RYK: variants seen among roughly 807,000 people sequenced by gnomAD.
RYK encodes receptor like tyrosine kinase, also known as inactive tyrosine-protein kinase RYK.
Under a neutral mutation model 70.2 loss-of-function variants are expected in RYK, and 21 were observed. That is an observed-to-expected ratio of 0.30 (90% CI 0.21 to 0.43). The LOEUF is 0.43. Ranked by LOEUF, RYK falls within the 20% of genes least tolerant of loss-of-function variation. The pLI, the probability that RYK is intolerant of heterozygous loss-of-function variation, is 1.00. For missense variants in RYK, 604 were observed against 753.3 expected, an observed-to-expected ratio of 0.80 and a Z score of 2.32; for synonymous variants, 267 against 278.0, an observed-to-expected ratio of 0.96 and a Z score of 0.39.
intron 7 of RYK, among the ~76,000 whole-genome samples, chr3:134,193,117 G>A (rs928691788): frequency 6.6e-6 from 1 of 151,846 alleles, no homozygotes; most frequent in African/African-American, 2.4e-5. Flanking sequence ...TAATGGCCAT[G>A]ATTACAAACA....
At chr3:134,194,410 C>A (rs1336408238) in intron 7 of RYK, among the ~76,000 whole-genome samples, 1 of 152,166 alleles carries the variant, frequency 6.6e-6, no homozygotes, top group East Asian at 1.9e-4. Flanking sequence ...CAAGTCTTAG[C>A]TATTTCCTTG....
intron 10 of RYK, chr3:134,179,707 CT>C (rs1426572895): frequency 6.6e-6 from 1 of 152,206 alleles, no homozygotes; most frequent in Non-Finnish European, 1.5e-5. Context: ...CCCATGAATA[CT>C]AAAATGACTA....
At chr3:134,175,304 T>C (rs1157074408) in intron 13 of RYK, among the ~76,000 whole-genome samples, 1 of 150,568 alleles carries the variant, frequency 6.6e-6, no homozygotes, top group Non-Finnish European at 1.5e-5. Context: ...GATTGCGCCA[T>C]TGCACTCCAG....
chr3:134,217,805 T>G (rs975634185), intron 2 of RYK, among the ~76,000 whole-genome samples: 1 of 152,186 alleles, frequency 6.6e-6, no homozygotes, highest in Admixed American at 6.6e-5. Context: ...TATTTTTCAC[T>G]GTATACCCTT....
chr3:134,183,144 TA>T (rs962782487), intron 9 of RYK, 73 bp from the exon 10 acceptor site: 2 of 819,674 alleles, frequency 2.4e-6, no homozygotes, highest in African/African-American at 3.5e-5. Context: ...CTGCTATTAG[TA>T]AATAATTATC....
chr3:134,236,041 C>T (rs765442447), intron 1 of RYK, among the ~76,000 whole-genome samples: 13 of 151,614 alleles, frequency 8.6e-5, no homozygotes, highest in Non-Finnish European at 1.5e-4. Context: ...CTGGGACACC[C>T]GCATGGTCAA....
intron 13 of RYK, among the ~76,000 whole-genome samples, chr3:134,161,981 G>GA (rs2012488324): frequency 6.6e-6 from 1 of 152,166 alleles, no homozygotes; most frequent in African/African-American, 2.4e-5. Context: ...CCTGTAGGGG[G>GA]AATCTTTCCT....
chr3:134,243,339 G>C (rs758092580), intron 1 of RYK, among the ~76,000 whole-genome samples: 1 of 152,050 alleles, frequency 6.6e-6, no homozygotes, highest in Non-Finnish European at 1.5e-5. Context: ...TGCCTTAGTT[G>C]ATCCCTCTTA....
At chr3:134,207,387 C>A in intron 5 of RYK, 85 bp downstream of exon 5, 1 of 811,676 alleles carries the variant, frequency 1.2e-6, no homozygotes. Flanking sequence ...ACCATGAGGC[C>A]TCCAAGCTTC....
At chr3:134,228,405 A>G (rs1576532047) in intron 1 of RYK, among the ~76,000 whole-genome samples, 3 of 152,384 alleles carry the variant, frequency 2.0e-5, no homozygotes, top group Admixed American at 2.0e-4. Flanking sequence ...TGTTTACTGT[A>G]GCACTATTTA....
At position 134,159,358 on chromosome 3, in the gene RYK, T is replaced by C. The variant is rs751898749; in HGVS notation, c.1591A>G (p.Thr531Ala). Residue 531 changes from threonine to alanine, a missense_variant, in exon 14 of 15, where the codon ACG becomes GCG. By Grantham distance (58) the Thr-to-Ala change is moderately conservative. Coordinates refer to ENST00000623711, the MANE Select transcript of RYK (RefSeq NM_002958.4). ...CCCAGAGTCATGAGTTCCCACAGCGTCACTCCAAAGGCCCACTAGTAAAGG... is the reference window on the plus strand; with the variant it reads ...CCCAGAGTCATGAGTTCCCACAGCGCCACTCCAAAGGCCCACTAGTAAAGG... ...SASDVWAFGV[T>A]LWELMTLGQT... 1.1e-5 allele frequency: 18 copies of C among 1,611,856 alleles called. No individual in the cohort carries two copies. In the East Asian group the frequency reaches 3.6e-4, roughly 32 times the overall value.
chr3:134,216,380 C>G (rs1032179275), intron 2 of RYK, among the ~76,000 whole-genome samples: 3 of 152,120 alleles, frequency 2.0e-5, no homozygotes, highest in African/African-American at 7.2e-5. Context: ...GACAAGTTCC[C>G]TGCAACTCCT....
chr3:134,173,539 G>C (rs1319890221), intron 13 of RYK, among the ~76,000 whole-genome samples: 1 of 152,194 alleles, frequency 6.6e-6, no homozygotes, highest in Non-Finnish European at 1.5e-5. Context: ...CTTCCTCACA[G>C]GGTGGCAGGA....
intron 1 of RYK, among the ~76,000 whole-genome samples, chr3:134,244,636 A>C (rs952662705): frequency 1.3e-5 from 2 of 152,226 alleles, no homozygotes; most frequent in Non-Finnish European, 2.9e-5. Context: ...AAGGCCAACC[A>C]GAGTTTAAAA....
intron 13 of RYK, 22 bp downstream of exon 13, chr3:134,175,587 A>G (rs562321064): frequency 1.2e-6 from 2 of 1,606,744 alleles, no homozygotes; most frequent in African/African-American, 1.3e-5. Context: ...TTCTTTTGCT[A>G]TCTGGGGGTC....
chr3:134,164,886 T>C (rs2012606538), intron 13 of RYK, among the ~76,000 whole-genome samples: 1 of 152,244 alleles, frequency 6.6e-6, no homozygotes, highest in Admixed American at 6.5e-5. Context: ...TTCATATCCT[T>C]GTCAATATTT....
intron 1 of RYK, among the ~76,000 whole-genome samples, chr3:134,249,600 A>G (rs2015553250): frequency 6.6e-6 from 1 of 152,082 alleles, no homozygotes; most frequent in Admixed American, 6.5e-5. Flanking sequence ...GACCCCAGCA[A>G]TTTTTCAAAT....
intron 13 of RYK, among the ~76,000 whole-genome samples, chr3:134,162,004 G>C (rs1459898550): frequency 6.6e-6 from 1 of 152,190 alleles, no homozygotes; most frequent in African/African-American, 2.4e-5. Flanking sequence ...CCTATTCCCA[G>C]CTTCCTGTGG....
chr3:134,238,589 A>C (rs1041778838), intron 1 of RYK, among the ~76,000 whole-genome samples: 1 of 152,194 alleles, frequency 6.6e-6, no homozygotes, highest in African/African-American at 2.4e-5. Flanking sequence ...GTTCCTCCCA[A>C]GGAAAAGCCA....
Sources: gnomAD v4.1 joint callset for allele counts (sites outside exome capture counted in the v4.1 genomes callset) on GRCh38, gnomAD v4.1.1 for gene constraint, MANE v1.5 for transcripts, NCBI Gene and HGNC (gene_info 2026-07-23, HGNC 2026-07-21) for gene names.